NOC3L: variants seen among roughly 807,000 people sequenced by gnomAD.
NOC3L encodes NOC3 like DNA replication regulator.
Under a neutral mutation model 102.5 loss-of-function variants are expected in NOC3L, and 85 were observed. The ratio of observed to expected loss-of-function variants is 0.83; its 90% CI spans 0.70 to 0.99. NOC3L has a LOEUF of 0.99. Among genes scored for constraint, NOC3L ranks in the 50% least tolerant of loss-of-function variants. NOC3L has a pLI of 0.00. For missense variants in NOC3L, 878 were observed against 914.9 expected, an observed-to-expected ratio of 0.96 and a Z score of 0.52; for synonymous variants, 303 against 309.4, an observed-to-expected ratio of 0.98 and a Z score of 0.22.
Position 94,350,236 on chromosome 10 carries a change from G to A in NOC3L, c.1005C>T (p.Tyr335=). 1 of 1,614,092 alleles carries A rather than the reference G, an allele frequency of 6.2e-7. No homozygotes were observed. The highest frequency in any genetic ancestry group is 8.5e-7 in the Non-Finnish European group (1 of 1,179,982). ...TCACAGCGACTTCTGCCAGTCCTTTGTATGCCTTTAAGGAAACTACATTAC... is the reference window on the plus strand; with the variant it reads ...TCACAGCGACTTCTGCCAGTCCTTTATATGCCTTTAAGGAAACTACATTAC... ...KKSNVVSLKA[Y]KGLAEVAVKS... Residue 335 remains tyrosine, a synonymous_variant, in exon 9 of 21, where the codon TAC becomes TAT. Coordinates refer to ENST00000371361, the MANE Select transcript of NOC3L (RefSeq NM_022451.11).
chr10:94,331,127 AC>A (rs2054151788), downstream of NOC3L: 1 of 152,244 alleles, frequency 6.6e-6, no homozygotes. Context: ...AAAGTTATTT[AC>A]AAATTCTCCA....
chr10:94,318,713 T>C, the NOC3L span, among the ~76,000 whole-genome samples: 1 of 152,232 alleles, frequency 6.6e-6, no homozygotes. Context: ...GGAAGCTTCA[T>C]TTTATGCTCA....
intron 2 of NOC3L, chr10:94,361,382 C>T (rs978820947): frequency 5.0e-6 from 2 of 396,926 alleles, no homozygotes; most frequent in South Asian, 3.8e-5. Flanking sequence ...ATTTATGTAA[C>T]GGAGTACTTT....
chr10:94,356,550 T>C lies in NOC3L; in HGVS notation c.550A>G (p.Arg184Gly), dbSNP rs750500111. ...NKDEEDQEEE[R>G]ELEEEIIEDP... Reference sequence around the variant, plus strand: ...GACATATTACCTTCCTCAAGTTCCCTCTCTTCTTCTTGATCCTCTTCATCT... The same window carrying C: ...GACATATTACCTTCCTCAAGTTCCCCCTCTTCTTCTTGATCCTCTTCATCT... The change falls in exon 5 of 21, where the codon AGG (arginine) becomes GGG (glycine). Residue 184 changes from arginine to glycine, a missense_variant. By Grantham distance (125) the Arg-to-Gly change is moderately radical. Coordinates refer to ENST00000371361, the MANE Select transcript of NOC3L (RefSeq NM_022451.11). 10 of 1,584,054 alleles carry C rather than the reference T, an allele frequency of 6.3e-6. No homozygotes were observed. In the South Asian group the frequency reaches 9.9e-5, roughly 16 times the overall value.
chr10:94,327,915 T>A, the NOC3L span: 5 of 510,614 alleles, frequency 9.8e-6, no homozygotes, highest in Non-Finnish European at 2.0e-5. Context: ...CCGCAAGTGT[T>A]TCTGTTTCTT....
rs552412163 is a variant in NOC3L, at chr10:94,355,507, C to T, written c.566-414G>A. ...CCAGGTTCAATTGATCCTCCCACCT[C>T]AGCCTCCCCAGTAGCTGAGACCATA... On this transcript the variant is annotated intron_variant, in intron 5 of 20. Coordinates refer to ENST00000371361, the MANE Select transcript of NOC3L (RefSeq NM_022451.11). Among the ~76,000 whole-genome samples the T allele has an allele frequency of 3.3e-5, 5 of 152,024 alleles. No individual in the cohort carries two copies. In the South Asian group the frequency reaches 1.0e-3, roughly 32 times the overall value.
chr10:94,358,255 C>T, intron 2 of NOC3L, 40 bp from the exon 3 acceptor site: 2 of 1,092,746 alleles, frequency 1.8e-6, no homozygotes, highest in Non-Finnish European at 2.7e-6. Context: ...AAATTAGAAA[C>T]AAGTATCAGA....
chr10:94,336,248 A>G lies in NOC3L; in HGVS notation c.2189+1529T>C, dbSNP rs969413339. ...CTCCCCTCCAGAAGATGCAGCAACA[A>G]GATGCCATCTCAGAAGCAGAGAGGC... is the stretch of plus-strand genomic sequence containing the variant. On this transcript the variant is annotated intron_variant, in intron 19 of 20. Coordinates refer to ENST00000371361, the MANE Select transcript of NOC3L (RefSeq NM_022451.11). Among the ~76,000 whole-genome samples the G allele has an allele frequency of 2.6e-5, 4 of 152,192 alleles. No homozygotes were observed. The East Asian group carries it at 7.7e-4, about 29-fold the overall frequency.
chr10:94,353,049 T>C lies in NOC3L; in HGVS notation c.705A>G (p.Lys235=). The part of the protein sequence containing the change: ...ILSDPENNIK[K]LKELRSMLME... Reference sequence around the variant, plus strand: ...TCAACATAGAACGTAATTCTTTCAATTTTTTAATCTGTTAAAGAAATAGCT... The same window carrying C: ...TCAACATAGAACGTAATTCTTTCAACTTTTTAATCTGTTAAAGAAATAGCT... Residue 235 remains lysine (K), a synonymous_variant, in exon 7 of 21, where the codon AAA becomes AAG. Coordinates refer to ENST00000371361, the MANE Select transcript of NOC3L (RefSeq NM_022451.11). 6.2e-7 allele frequency: 1 copy of C among 1,602,234 alleles called. No homozygotes were observed. The highest frequency in any genetic ancestry group is 8.5e-7 in the Non-Finnish European group (1 of 1,176,416).
chr10:94,331,998 A>C (rs1237066355), downstream of NOC3L: 1 of 151,802 alleles, frequency 6.6e-6, no homozygotes, highest in Non-Finnish European at 1.5e-5. Flanking sequence ...CAGCCTCCCA[A>C]GTAGCTGGGA....
rs74153311 is a variant in NOC3L, at chr10:94,356,425, G to A, written c.565+110C>T. ...AAAATGTTCAAAGTGACCTTGAAAT[G>A]AGCAGTACTCCAAAATGTACCTTCC... On this transcript the variant is annotated intron_variant, in intron 5 of 20. Transcript: ENST00000371361. 5.3e-3 allele frequency: 3,723 copies of A among 705,354 alleles called. 125 individuals are homozygous for A. In the African/African-American group the frequency reaches 0.06, roughly 11 times the overall value. The allele number at this position is 705,354 out of a possible 1,614,324, so 43.7% of individuals were successfully genotyped here. A position where few individuals can be genotyped will look rare whatever the true frequency, so the allele number is the denominator to read the frequency against.
chr10:94,355,748 A>C (rs2054476371), intron 5 of NOC3L, among the ~76,000 whole-genome samples: 1 of 152,168 alleles, frequency 6.6e-6, no homozygotes, highest in Non-Finnish European at 1.5e-5. Context: ...ATTAATTAAC[A>C]AATAGGATAA....
intron 8 of NOC3L, among the ~76,000 whole-genome samples, chr10:94,351,336 A>T (rs2054414614): frequency 6.6e-6 from 1 of 152,036 alleles, no homozygotes; most frequent in Admixed American, 6.6e-5. Context: ...TTAGTAAATA[A>T]GCTGGGTAAA....
intron 19 of NOC3L, among the ~76,000 whole-genome samples, chr10:94,336,047 G>A (rs889519919): frequency 6.6e-6 from 1 of 152,094 alleles, no homozygotes; most frequent in Non-Finnish European, 1.5e-5. Context: ...AAGCTTGTAG[G>A]AGTTATTTAT....
At chr10:94,316,405 T>C in the NOC3L span, 2 of 647,728 alleles carry the variant, frequency 3.1e-6, no homozygotes, top group African/African-American at 3.6e-5. Flanking sequence ...AGAGAATTCT[T>C]AGATCTTCCA....
chr10:94,340,281 T>G lies in NOC3L; in HGVS notation c.1775A>C (p.His592Pro), dbSNP rs772965885. 6.2e-7 allele frequency: 1 copy of G among 1,606,000 alleles called. No homozygotes were observed. The highest frequency in any genetic ancestry group is 8.5e-7 in the Non-Finnish European group (1 of 1,173,924). The change falls in exon 16 of 21, where the codon CAT becomes CCT. Residue 592 changes from histidine (H) to proline (P), a missense_variant. Physicochemically the swap from His to Pro is moderately conservative, Grantham distance 77. Transcript: ENST00000371361. ...THLYKTLFKL[H>P]AGATNEGVEI... Reference sequence around the variant, plus strand: ...CATTATCTAAACATACATACCTGCATGTAATTTGAACAGTGTTTTGTAGAG... The same window carrying G: ...CATTATCTAAACATACATACCTGCAGGTAATTTGAACAGTGTTTTGTAGAG...
At chr10:94,338,461 T>G (rs777075192) in intron 18 of NOC3L, 147 bp downstream of exon 18, 2 of 788,490 alleles carry the variant, frequency 2.5e-6, no homozygotes, top group African/African-American at 1.7e-5. Flanking sequence ...AAGTAAAATG[T>G]AGCATACTAA....
the NOC3L span, chr10:94,325,160 A>G: frequency 5.7e-6 from 7 of 1,221,236 alleles, no homozygotes; most frequent in Non-Finnish European, 8.5e-6. Flanking sequence ...CTACTTTGTA[A>G]GGAAGGCATA....
intron 2 of NOC3L, 70 bp from the exon 3 acceptor site, chr10:94,358,285 T>C (rs1301114626): frequency 1.1e-6 from 1 of 881,484 alleles, no homozygotes; most frequent in Non-Finnish European, 1.8e-6. Context: ...CTCTCTGCAT[T>C]TTGGGTTTAA....
Sources: gnomAD v4.1 joint callset for allele counts (sites outside exome capture counted in the v4.1 genomes callset) on GRCh38, gnomAD v4.1.1 for gene constraint, MANE v1.5 for transcripts, NCBI Gene and HGNC (gene_info 2026-07-23, HGNC 2026-07-21) for gene names.